Variants in CDKAL1 observed in about 807,000 individuals in gnomAD.
CDKAL1 encodes the protein CDKAL1 threonylcarbamoyladenosine tRNA methylthiotransferase.
In CDKAL1, 32 loss-of-function variants were observed where a neutral mutation model predicts 68.2. The ratio of observed to expected loss-of-function variants is 0.47; its 90% CI spans 0.35 to 0.63. The LOEUF (loss-of-function observed/expected upper bound fraction) is 0.63. Among genes scored for constraint, CDKAL1 ranks in the 30% least tolerant of loss-of-function variants. The pLI, the probability that CDKAL1 is intolerant of heterozygous loss-of-function variation, is 0.00. For synonymous variants in CDKAL1, 234 were observed against 244.3 expected, an observed-to-expected ratio of 0.96 and a Z score of 0.39; for missense variants, 606 against 696.7, an observed-to-expected ratio of 0.87 and a Z score of 1.47.
intron 2 of CDKAL1, among the ~76,000 whole-genome samples, chr6:20,535,739 C>G (rs6904566): frequency 6.6e-6 from 1 of 151,948 alleles, no homozygotes; most frequent in Non-Finnish European, 1.5e-5. Context: ...AAGTCGTGGT[C>G]TTGTACCTTC....
chr6:21,042,355 A>G (rs982442698), intron 11 of CDKAL1, among the ~76,000 whole-genome samples: 4 of 151,940 alleles, frequency 2.6e-5, no homozygotes, highest in Non-Finnish European at 5.9e-5. Flanking sequence ...ATGAAGCACC[A>G]GGGAGGTAAA....
At chr6:20,839,702 G>A (rs538285007) in intron 8 of CDKAL1, among the ~76,000 whole-genome samples, 1 of 152,196 alleles carries the variant, frequency 6.6e-6, no homozygotes, top group African/African-American at 2.4e-5. Flanking sequence ...AGACAAGATT[G>A]TTGATCCTTT....
At chr6:21,028,132 G>A (rs917699164) in intron 11 of CDKAL1, among the ~76,000 whole-genome samples, 2 of 152,174 alleles carry the variant, frequency 1.3e-5, no homozygotes, top group African/African-American at 2.4e-5. Context: ...GTGATGAATG[G>A]AAGCCCAGGG....
At chr6:20,901,489 A>G (rs1218382165) in intron 9 of CDKAL1, among the ~76,000 whole-genome samples, 1 of 151,494 alleles carries the variant, frequency 6.6e-6, no homozygotes, top group Non-Finnish European at 1.5e-5. Flanking sequence ...CCTGGCTAAC[A>G]TGGTGAAACC....
intron 12 of CDKAL1, among the ~76,000 whole-genome samples, chr6:21,104,160 A>T (rs1009002700): frequency 1.3e-5 from 2 of 152,178 alleles, no homozygotes; most frequent in Non-Finnish European, 1.5e-5. Flanking sequence ...TGAAAGCCCC[A>T]TATCTATTTC....
At chr6:21,003,275 G>T (rs1466069162) in intron 11 of CDKAL1, among the ~76,000 whole-genome samples, 1 of 147,520 alleles carries the variant, frequency 6.8e-6, no homozygotes, top group African/African-American at 2.5e-5. Flanking sequence ...GGAGGCTGAG[G>T]TGGGTGGATC....
intron 5 of CDKAL1, among the ~76,000 whole-genome samples, chr6:20,658,195 G>T (rs1028812555): frequency 2.0e-5 from 3 of 152,124 alleles, no homozygotes; most frequent in African/African-American, 7.2e-5. Context: ...CTATATAAAT[G>T]ACAGAAAGAA....
At chr6:21,101,215 A>G (rs1291776477) in intron 12 of CDKAL1, among the ~76,000 whole-genome samples, 1 of 152,220 alleles carries the variant, frequency 6.6e-6, no homozygotes, top group African/African-American at 2.4e-5. Context: ...CCAGAATCAT[A>G]GAGGCTAACA....
chr6:21,008,339 A>G (rs1031648844), intron 11 of CDKAL1, among the ~76,000 whole-genome samples: 2 of 152,180 alleles, frequency 1.3e-5, no homozygotes, highest in Non-Finnish European at 1.5e-5. Context: ...AGTCTAGGGA[A>G]CACCAATATT....
intron 5 of CDKAL1, among the ~76,000 whole-genome samples, chr6:20,711,682 G>A (rs759515433): frequency 9.2e-5 from 14 of 152,292 alleles, no homozygotes; most frequent in African/African-American, 2.4e-4. Context: ...GTATTTATGT[G>A]TTAATTCCAT....
intron 13 of CDKAL1, among the ~76,000 whole-genome samples, chr6:21,131,691 C>G (rs1775329986): frequency 6.6e-6 from 1 of 152,176 alleles, no homozygotes; most frequent in Non-Finnish European, 1.5e-5. Flanking sequence ...GATGGCTACT[C>G]TAAAATGTTA....
intron 9 of CDKAL1, among the ~76,000 whole-genome samples, chr6:20,923,052 G>C (rs1356545475): frequency 6.6e-6 from 1 of 152,146 alleles, no homozygotes; most frequent in Non-Finnish European, 1.5e-5. Flanking sequence ...ATTTGGGGGA[G>C]AAAAGCATCT....
At chr6:20,833,006 T>A (rs1425493107) in intron 8 of CDKAL1, among the ~76,000 whole-genome samples, 2 of 152,134 alleles carry the variant, frequency 1.3e-5, no homozygotes, top group African/African-American at 4.8e-5. Context: ...TCCCCAGAAT[T>A]CCCAGCACAT....
At chr6:20,565,332 G>A (rs1764421302) in intron 4 of CDKAL1, among the ~76,000 whole-genome samples, 1 of 151,974 alleles carries the variant, frequency 6.6e-6, no homozygotes, top group South Asian at 2.1e-4. Flanking sequence ...ACTATTTTGA[G>A]GCAATATAAT....
chr6:21,083,760 C>T (rs753093309), intron 12 of CDKAL1, among the ~76,000 whole-genome samples: 1 of 152,168 alleles, frequency 6.6e-6, no homozygotes, highest in Non-Finnish European at 1.5e-5. Flanking sequence ...TGAATCTATA[C>T]AGTTCCTAAG....
At chr6:21,225,774 C>G (rs1779716464) in intron 15 of CDKAL1, among the ~76,000 whole-genome samples, 1 of 152,108 alleles carries the variant, frequency 6.6e-6, no homozygotes, top group South Asian at 2.1e-4. Flanking sequence ...ACAAAAATAG[C>G]ACGGGTCAAT....
At chr6:21,079,021 G>A (rs1025226793) in intron 12 of CDKAL1, among the ~76,000 whole-genome samples, 5 of 152,184 alleles carry the variant, frequency 3.3e-5, no homozygotes, top group African/African-American at 1.2e-4. Context: ...GCCATCAGCT[G>A]TGAGAAGTGG....
intron 8 of CDKAL1, among the ~76,000 whole-genome samples, chr6:20,844,921 AAAAATGT>A (rs1778321065): frequency 6.6e-6 from 1 of 152,218 alleles, no homozygotes; most frequent in Non-Finnish European, 1.5e-5. Context: ...TGTTTATTTT[AAAAATGT>A]AAATTACTTA....
intron 10 of CDKAL1, among the ~76,000 whole-genome samples, chr6:20,965,713 C>T (rs905795282): frequency 4.6e-5 from 7 of 152,182 alleles, no homozygotes; most frequent in African/African-American, 1.7e-4. Context: ...CATTGCCAGT[C>T]CCCTGAATCC....
Sources: gnomAD v4.1 joint callset for allele counts (sites outside exome capture counted in the v4.1 genomes callset) on GRCh38, gnomAD v4.1.1 for gene constraint, MANE v1.5 for transcripts, NCBI Gene and HGNC (gene_info 2026-07-23, HGNC 2026-07-21) for gene names.